Variants in HMGB1 observed in about 807,000 individuals in gnomAD.
HMGB1 encodes high mobility group box 1.
For missense variants in HMGB1, 79 were observed against 253.5 expected (o/e 0.31, Z 4.67); for synonymous variants, 81 against 84.0 (o/e 0.96, Z 0.19).
intron 1 of HMGB1, among the ~76,000 whole-genome samples, chr13:30,556,665 TAAACAGTG>T (rs2137519515): frequency 6.6e-6 from 1 of 152,316 alleles, no homozygotes; most frequent in East Asian, 1.9e-4. Flanking sequence ...AACAGAAAGT[TAAACAGTG>T]CATGTTCTCA....
At chr13:30,597,750 A>G (rs1871680741) in intron 1 of HMGB1, among the ~76,000 whole-genome samples, 1 of 149,766 alleles carries the variant, frequency 6.7e-6, no homozygotes, top group African/African-American at 2.5e-5. Flanking sequence ...TTTCTGTTAC[A>G]TTTTTTTTTT....
rs762712169 is a variant in HMGB1, at chr13:30,604,208, C to T, written c.-15+12463G>A. On this transcript the variant is annotated intron_variant, in intron 1 of 4. Coordinates refer to the HMGB1 transcript ENST00000405805. ...TCAGGAAGGGATCTGTAGGCACTTACAGATTTGACGCTAATGAGATGGGAA... is the reference window on the plus strand; with the variant it reads ...TCAGGAAGGGATCTGTAGGCACTTATAGATTTGACGCTAATGAGATGGGAA... 1.3e-3 allele frequency among the ~76,000 whole-genome samples: 191 copies of T among 152,026 alleles called. 1 individual carries two copies. The highest frequency in any genetic ancestry group is 1.7e-3 in the Admixed American group (26 of 15,258).
intron 1 of HMGB1, among the ~76,000 whole-genome samples, chr13:30,481,144 G>A (rs560892633): frequency 1.3e-5 from 2 of 151,842 alleles, no homozygotes; most frequent in Non-Finnish European, 2.9e-5. Flanking sequence ...TTGTTTTCAA[G>A]TACTGTATGT....
intron 1 of HMGB1, among the ~76,000 whole-genome samples, chr13:30,531,625 T>A (rs940132468): frequency 2.6e-5 from 4 of 151,308 alleles, no homozygotes; most frequent in African/African-American, 9.7e-5. Flanking sequence ...TTACAGCTGG[T>A]GCGGTGGCTC....
At chr13:30,539,891 ATCT>A (rs1319239014) in intron 1 of HMGB1, 1 of 155,080 alleles carries the variant, frequency 6.4e-6, no homozygotes, top group Admixed American at 6.5e-5. Context: ...GCTGCTTGAG[ATCT>A]TCTTGATTTC....
In HMGB1 at chr13:30,554,625, G is replaced by A. The variant is rs1194027789; in HGVS notation, c.-15+62046C>T. ...GAAAAATACAATGGGAACAGAATTG[G>A]TCTAGAAGAAGAAAAACTGACAGGT... On this transcript the variant is annotated intron_variant, in intron 1 of 4. Coordinates refer to the HMGB1 transcript ENST00000405805. 1.9e-5 allele frequency: 15 copies of A among 772,106 alleles called. No individual in the cohort carries two copies. In the Middle Eastern group the frequency reaches 1.1e-3, roughly 55 times the overall value. The allele number at this position is 772,106 out of a possible 1,614,324, so 47.8% of individuals were successfully genotyped here.
intron 1 of HMGB1, among the ~76,000 whole-genome samples, chr13:30,480,077 C>G (rs1887192028): frequency 6.6e-6 from 1 of 152,192 alleles, no homozygotes; most frequent in Non-Finnish European, 1.5e-5. Flanking sequence ...CTTCCCCCTC[C>G]TCTGCTGCTA....
intron 1 of HMGB1, among the ~76,000 whole-genome samples, chr13:30,512,157 A>C (rs945339327): frequency 1.8e-4 from 27 of 152,148 alleles, no homozygotes; most frequent in Non-Finnish European, 3.1e-4. Flanking sequence ...CTTAAAAAAA[A>C]AAAAGATTGA....
Position 30,457,095 on chromosome 13 carries a change from T to C in HMGB1, c.*4262A>G, listed in dbSNP as rs1886022545. 1 of 152,214 alleles carries C rather than the reference T, an allele frequency of 6.6e-6. No homozygotes were observed. The highest frequency in any genetic ancestry group is 2.4e-5 in the African/African-American group (1 of 41,450). 9.4% of individuals were successfully genotyped at this position (152,214 alleles called of 1,614,324 possible). A position where few individuals can be genotyped will look rare whatever the true frequency, so the allele number is the denominator to read the frequency against. ...GAACAATGAATATGAGTACATAATT[T>C]ACAAGGATCTCTCTAATCCCTTTTC... On this transcript the variant is annotated 3_prime_UTR_variant, in exon 5 of 5. Coordinates refer to ENST00000341423, the MANE Select transcript of HMGB1 (RefSeq NM_002128.7).
intron 1 of HMGB1, among the ~76,000 whole-genome samples, chr13:30,525,858 G>GGT (rs891781237): frequency 6.6e-6 from 1 of 151,336 alleles, no homozygotes; most frequent in African/African-American, 2.4e-5. Flanking sequence ...TGAGATTGTG[G>GGT]GGGGACACAA....
intron 1 of HMGB1, among the ~76,000 whole-genome samples, chr13:30,530,509 A>C (rs1234228176): frequency 6.6e-6 from 1 of 152,232 alleles, no homozygotes; most frequent in African/African-American, 2.4e-5. Context: ...CCTTTGACCA[A>C]TACTAGTTCC....
intron 4 of HMGB1, 29 bp from the exon 5 acceptor site, chr13:30,461,562 TAGGG>T: frequency 6.4e-7 from 1 of 1,571,144 alleles, no homozygotes; most frequent in South Asian, 1.2e-5. Context: ...GATAAAACAG[TAGGG>T]AAGAAAAAAA....
chr13:30,559,467 G>T lies in HMGB1; in HGVS notation c.-15+57204C>A, dbSNP rs1869853435. On this transcript the variant is annotated intron_variant, in intron 1 of 4. Coordinates refer to the HMGB1 transcript ENST00000405805. The surrounding 1 kb of genome is among the most constrained non-coding windows in gnomAD (Gnocchi z 6.6). ...CAAAAGAATGAAGTGATGGAAGCCA[G>T]ACTCAAACCAACTGTGTACTCTGTC... Among the ~76,000 whole-genome samples, 1 of 152,186 alleles carries T rather than the reference G, an allele frequency of 6.6e-6. No individual in the cohort carries two copies. Among genetic ancestry groups the T allele is most frequent in the Non-Finnish European group, 1.5e-5 (1 of 68,038 alleles).
upstream of HMGB1, among the ~76,000 whole-genome samples, chr13:30,467,118 A>G (rs546496743): frequency 1.4e-4 from 22 of 152,370 alleles, no homozygotes; most frequent in South Asian, 4.6e-3. Context: ...TGTAGTGGCC[A>G]GTTCTGAAGA....
chr13:30,458,484 C>T lies in HMGB1; in HGVS notation c.*2873G>A, dbSNP rs1304936667. On this transcript the variant is annotated 3_prime_UTR_variant, in exon 5 of 5. Transcript: ENST00000341423. The stretch of plus-strand genomic sequence containing the variant: ...TACTGGGACTACAGGCGCCCAGCAC[C>T]ACGCTTGGCTAATTTTTTGTATTTT... 1 of 152,246 alleles carries T rather than the reference C, an allele frequency of 6.6e-6. No homozygotes were observed. The highest frequency in any genetic ancestry group is 2.4e-5 in the African/African-American group (1 of 41,436). 9.4% of individuals were successfully genotyped at this position (152,246 alleles called of 1,614,324 possible).
Position 30,515,801 on chromosome 13 carries a change from T to C in HMGB1, c.-14-52107A>G, listed in dbSNP as rs541870975. On this transcript the variant is annotated intron_variant, in intron 1 of 4. Coordinates refer to the HMGB1 transcript ENST00000405805. ...ACATTTAATACACCCAGGGGCTACA[T>C]TGTAGTTTCAGGACACCAAAAATGA... Among the ~76,000 whole-genome samples, 9 of 152,090 alleles carry C rather than the reference T, an allele frequency of 5.9e-5. No individual in the cohort carries two copies. The East Asian group carries it at 7.7e-4, about 13-fold the overall frequency.
rs1886308307 is a variant in HMGB1 at position 30,461,256 on chromosome 13, A to G, written c.*101T>C. 2.0e-6 allele frequency: 3 copies of G among 1,489,004 alleles called. No homozygotes were observed. Among genetic ancestry groups the G allele is most frequent in the South Asian group, 1.4e-5 (1 of 71,484 alleles). 92.2% of individuals were successfully genotyped at this position (1,489,004 alleles called of 1,614,324 possible). On this transcript the variant is annotated 3_prime_UTR_variant, in exon 5 of 5. Transcript: ENST00000341423. ...TGTACAGTTTAAAAACAAATCTTACACAGCCTTACATTTCAATTTTTTTCT... is the reference window on the plus strand; with the variant it reads ...TGTACAGTTTAAAAACAAATCTTACGCAGCCTTACATTTCAATTTTTTTCT...
At chr13:30,548,499 GA>G (rs1170349410) in intron 1 of HMGB1, among the ~76,000 whole-genome samples, 13 of 152,176 alleles carry the variant, frequency 8.5e-5, no homozygotes, top group African/African-American at 3.1e-4. Context: ...CCTTTCATTT[GA>G]AAAGGATATT....
Position 30,605,597 on chromosome 13 carries a change from GT to G in HMGB1, c.-15+11073del, listed in dbSNP as rs374342279. On this transcript the variant is annotated intron_variant, in intron 1 of 4. Transcript: ENST00000405805. ...TGCCGACGTGGAAATGAGAGTTTTG[GT>G]GGGAAGACAGGAATAAAAGTCTCAC... Among the ~76,000 whole-genome samples the G allele has an allele frequency of 4.3e-3, 655 of 152,330 alleles. 3 individuals carry two copies. Among genetic ancestry groups the G allele is most frequent in the Non-Finnish European group, 7.6e-3 (519 of 68,032 alleles).
Sources: allele counts gnomAD v4.1 joint callset (sites outside exome capture counted in the v4.1 genomes callset), GRCh38; gene constraint gnomAD v4.1.1; non-coding constraint Gnocchi (gnomAD v3.1); transcripts MANE v1.5; gene names NCBI Gene and HGNC (gene_info 2026-07-23, HGNC 2026-07-21).